Variants in ATP11A observed in about 807,000 individuals in gnomAD.
The protein encoded by ATP11A is phospholipid-transporting ATPase IH.
ATP11A carries 81 observed loss-of-function variants against 154.4 expected under a neutral mutation model. The observed-to-expected ratio is 0.52, with a 90% CI of 0.44 to 0.63. The LOEUF (loss-of-function observed/expected upper bound fraction) is 0.63. ATP11A is among the 30% of genes least tolerant of loss of function. ATP11A has a pLI of 0.00. For synonymous variants in ATP11A, 623 were observed against 585.9 expected (o/e 1.06, Z -0.91); for missense variants, 1,316 against 1,474.3 (o/e 0.89, Z 1.76).
chr13:112,836,119 C>T, intron 15 of ATP11A, 59 bp from the exon 16 acceptor site: 1 of 1,277,114 alleles, frequency 7.8e-7, no homozygotes, highest in Non-Finnish European at 1.1e-6. Flanking sequence ...CCACAGTTAC[C>T]AGATGGAATC....
rs116249904 is a variant in ATP11A, at chr13:112,875,965, C to T, written c.3327+24C>T. 2,619 of 1,596,406 alleles carry T rather than the reference C, an allele frequency of 1.6e-3. 28 individuals are homozygous for T. The African/African-American group carries it at 0.029, about 18-fold the overall frequency. On this transcript the variant is annotated intron_variant, in intron 28 of 29. Transcript: ENST00000375645. The surrounding 1 kb of genome is among the most constrained non-coding windows in gnomAD (Gnocchi z 4.1). ...AGGTACGGAGTGTCCCCAGCCGGGG[C>T]GGGGGTGCCTCAGGGCCCTGGCCTT...
At chr13:112,780,564 C>T (rs2077472945) in intron 1 of ATP11A, among the ~76,000 whole-genome samples, 1 of 152,312 alleles carries the variant, frequency 6.6e-6, no homozygotes, top group African/African-American at 2.4e-5. Context: ...CTTTGTCTTC[C>T]ATGAACAGCG....
chr13:112,882,756 A>C lies in ATP11A; in HGVS notation c.*890A>C, dbSNP rs941330820. 3.8e-5 allele frequency: 15 copies of C among 399,808 alleles called. No homozygotes were observed. The highest frequency in any genetic ancestry group is 8.8e-5 in the Admixed American group (2 of 22,842). 24.8% of individuals were successfully genotyped at this position (399,808 alleles called of 1,614,324 possible). ...CCACTCGCCAGGGCACGGAGCCGTC[A>C]GTCCACTGTTACGGGAGAATGTTGA... On this transcript the variant is annotated 3_prime_UTR_variant, in exon 30 of 30. Coordinates refer to ENST00000375645, the MANE Select transcript of ATP11A (RefSeq NM_015205.3). This position sits in a 1 kb window ranked among gnomAD's most constrained non-coding sequence, Gnocchi z 5.1.
At chr13:112,862,704 T>G in intron 25 of ATP11A, 129 bp downstream of exon 25, 1 of 1,230,564 alleles carries the variant, frequency 8.1e-7, no homozygotes, top group Non-Finnish European at 1.1e-6. Context: ...CATCACCACC[T>G]GCGCAGTAAT....
At chr13:112,846,827 G>T (rs575683557) in intron 17 of ATP11A, among the ~76,000 whole-genome samples, 1 of 152,188 alleles carries the variant, frequency 6.6e-6, no homozygotes, top group South Asian at 2.1e-4. Flanking sequence ...CCATGCCTTC[G>T]TGATGTCCAG....
In ATP11A at chr13:112,882,228, A is replaced by T; in HGVS notation, c.*362A>T. ...CAGTGGCCTCTGGGCATTCGGCTCA[A>T]CGCAGGAGGGACATTCTGCTGGCCC... On this transcript the variant is annotated 3_prime_UTR_variant, in exon 30 of 30. Coordinates refer to ENST00000375645, the MANE Select transcript of ATP11A (RefSeq NM_015205.3). The surrounding 1 kb of genome is among the most constrained non-coding windows in gnomAD (Gnocchi z 5.1). 1.1e-6 allele frequency: 1 copy of T among 886,076 alleles called. No homozygotes were observed. The highest frequency in any genetic ancestry group is 1.6e-6 in the Non-Finnish European group (1 of 641,890). The allele number at this position is 886,076 out of a possible 1,614,324, so 54.9% of individuals were successfully genotyped here. A position where few individuals can be genotyped will look rare whatever the true frequency, so the allele number is the denominator to read the frequency against.
intron 17 of ATP11A, among the ~76,000 whole-genome samples, chr13:112,843,466 T>A (rs1034460339): frequency 6.6e-6 from 1 of 152,114 alleles, no homozygotes; most frequent in Non-Finnish European, 1.5e-5. Flanking sequence ...CACACCGACC[T>A]TATCATCTTT....
chr13:112,824,312 C>G (rs1360935525), intron 9 of ATP11A, 32 bp from the exon 10 acceptor site: 1 of 1,571,218 alleles, frequency 6.4e-7, no homozygotes, highest in Non-Finnish European at 8.8e-7. Context: ...CACTTGCGCC[C>G]TGGTCATCAC....
At chr13:112,868,857 T>G (rs2080423019) in intron 25 of ATP11A, among the ~76,000 whole-genome samples, 1 of 152,026 alleles carries the variant, frequency 6.6e-6, no homozygotes, top group African/African-American at 2.4e-5. Flanking sequence ...CTCAGGAAAC[T>G]TACAATCATG....
At chr13:112,739,914 T>G (rs1891358783) in intron 1 of ATP11A, among the ~76,000 whole-genome samples, 1 of 151,912 alleles carries the variant, frequency 6.6e-6, no homozygotes, top group Admixed American at 6.6e-5. Flanking sequence ...ATGTGACATG[T>G]CCAGAACTGG....
At position 112,824,363 on chromosome 13, in the gene ATP11A, A is replaced by C. The variant is rs2078878889; in HGVS notation, c.810A>C (p.Gly270=). 6.2e-7 allele frequency: 1 copy of C among 1,614,110 alleles called. No homozygotes were observed. Among genetic ancestry groups the C allele is most frequent in the Admixed American group, 1.7e-5 (1 of 60,016 alleles). The change falls in exon 10 of 30, where the codon GGA becomes GGC. Residue 270 remains glycine, a synonymous_variant. Coordinates refer to ENST00000375645, the MANE Select transcript of ATP11A (RefSeq NM_015205.3). The part of the protein sequence containing the change: ...EKIFGVAIYT[G]METKMALNYQ... ...CTGTAGGTGTGGCTATTTACACGGG[A>C]ATGGAAACCAAGATGGCATTAAATT...
intron 5 of ATP11A, among the ~76,000 whole-genome samples, chr13:112,815,160 A>C (rs933936102): frequency 6.6e-5 from 10 of 152,056 alleles, no homozygotes; most frequent in African/African-American, 2.4e-4. Flanking sequence ...CCAGATCTGC[A>C]ATGGCTTCCT....
intron 11 of ATP11A, 134 bp from the exon 12 acceptor site, chr13:112,826,560 T>A (rs1566537218): frequency 1.3e-6 from 1 of 756,342 alleles, no homozygotes; most frequent in East Asian, 2.7e-5. Flanking sequence ...GTCCTTGTCT[T>A]TGGACTCTGA....
intron 1 of ATP11A, among the ~76,000 whole-genome samples, chr13:112,710,044 G>C (rs1221251283): frequency 6.6e-6 from 1 of 152,236 alleles, no homozygotes; most frequent in East Asian, 1.9e-4. Flanking sequence ...CCCTGGAGCT[G>C]GGCATCAGCC....
chr13:112,805,934 G>T (rs1439669940), intron 3 of ATP11A, among the ~76,000 whole-genome samples: 2 of 150,974 alleles, frequency 1.3e-5, no homozygotes, highest in African/African-American at 4.9e-5. Context: ...GAGGCCGTGG[G>T]GTGAATTAAT....
intron 17 of ATP11A, among the ~76,000 whole-genome samples, chr13:112,843,939 G>A (rs950156785): frequency 6.6e-6 from 1 of 152,206 alleles, no homozygotes; most frequent in Non-Finnish European, 1.5e-5. Flanking sequence ...CTCTGTGAGG[G>A]ATCTGGAAAA....
chr13:112,726,589 G>T (rs1889916144), intron 1 of ATP11A, among the ~76,000 whole-genome samples: 1 of 152,178 alleles, frequency 6.6e-6, no homozygotes, highest in South Asian at 2.1e-4. Context: ...CATCTGTGCT[G>T]CTGCCATGTC....
At chr13:112,769,934 A>G (rs1314468604) in intron 1 of ATP11A, among the ~76,000 whole-genome samples, 6 of 152,162 alleles carry the variant, frequency 3.9e-5, no homozygotes, top group Non-Finnish European at 7.3e-5. Context: ...CTGGTCAGAA[A>G]CGTACTCCTG....
chr13:112,690,607 TGGGGAG>T lies in ATP11A; in HGVS notation c.39+156_39+161del. On this transcript the variant is annotated intron_variant, in intron 1 of 29. Transcript: ENST00000375645. This position sits in a 1 kb window ranked among gnomAD's most constrained non-coding sequence, Gnocchi z 5.6. The stretch of plus-strand genomic sequence containing the variant: ...CCGCCCCCGGGGACGAGCGGGATGC[TGGGGAG>T]GGGCCTCGGAGTTGACACCCTGGGG... The T allele has an allele frequency of 1.4e-6, 1 of 701,524 alleles. No individual in the cohort carries two copies. The highest frequency in any genetic ancestry group is 2.0e-6 in the Non-Finnish European group (1 of 509,488). 43.5% of individuals were successfully genotyped at this position (701,524 alleles called of 1,614,324 possible).
Sources: gnomAD v4.1 joint callset for allele counts (sites outside exome capture counted in the v4.1 genomes callset) on GRCh38, gnomAD v4.1.1 for gene constraint, Gnocchi (gnomAD v3.1) non-coding constraint, MANE v1.5 for transcripts, NCBI Gene and HGNC (gene_info 2026-07-23, HGNC 2026-07-21) for gene names.